BZW2: variants seen among roughly 807,000 people sequenced by gnomAD.
The protein encoded by BZW2 is eIF5-mimic protein 1.
Under a neutral mutation model 53.2 loss-of-function variants are expected in BZW2, and 23 were observed. That is an observed-to-expected ratio of 0.43 (90% CI 0.31 to 0.61). BZW2 has a LOEUF of 0.61. Ranked by LOEUF, BZW2 falls within the 20% of genes least tolerant of loss-of-function variation. The probability of loss-of-function intolerance (pLI) is 0.09; values close to 1 mark genes in which losing one functional copy is unlikely to be tolerated. For synonymous variants in BZW2, 227 were observed against 186.4 expected (o/e 1.22, Z -1.77); for missense variants, 409 against 503.1 (o/e 0.81, Z 1.79).
At chr7:16,650,492 G>T (rs1781958443) in intron 1 of BZW2, among the ~76,000 whole-genome samples, 1 of 152,022 alleles carries the variant, frequency 6.6e-6, no homozygotes, top group South Asian at 2.1e-4. Context: ...CCCAGGACAG[G>T]GTGTGACTGG....
intron 1 of BZW2, among the ~76,000 whole-genome samples, chr7:16,662,655 G>A (rs1307450594): frequency 2.0e-5 from 3 of 152,104 alleles, no homozygotes; most frequent in East Asian, 1.9e-4. Context: ...AGTGGTGTGC[G>A]CCTGTAATCC....
chr7:16,703,137 T>G (rs1455214979), intron 10 of BZW2, among the ~76,000 whole-genome samples: 1 of 152,160 alleles, frequency 6.6e-6, no homozygotes, highest in East Asian at 1.9e-4. Flanking sequence ...GAAATTTCTT[T>G]TATCTCAGTG....
rs759011029 is a variant in BZW2, at chr7:16,682,787, A to G, written c.347A>G (p.Asn116Ser). 9.6e-6 allele frequency: 15 copies of G among 1,568,458 alleles called. No individual in the cohort carries two copies. The highest frequency in any genetic ancestry group is 1.7e-4 in the Middle Eastern group (1 of 5,822). ...ETIRNYAQVF[N>S]KLIRRYKYLE... ...TGGTTGTTTTTTTTTTAGGTCTTCA[A>G]TAAACTCATCAGGAGATATAAGTAT... Residue 116 changes from asparagine (N) to serine (S), a missense_variant, in exon 5 of 12, where the codon AAT (asparagine) becomes AGT (serine). This residue lies in a region of BZW2 where 316 missense variants were observed against 366.8 expected (regional missense o/e 0.86). Transcript: ENST00000258761.
At chr7:16,693,794 C>T (rs2128367144) in intron 7 of BZW2, among the ~76,000 whole-genome samples, 1 of 152,232 alleles carries the variant, frequency 6.6e-6, no homozygotes, top group South Asian at 2.1e-4. Flanking sequence ...GATAGCTGCT[C>T]CCACCAGCTC....
At chr7:16,700,232 AG>A (rs1301256640) in intron 10 of BZW2, among the ~76,000 whole-genome samples, 5 of 152,202 alleles carry the variant, frequency 3.3e-5, no homozygotes, top group Non-Finnish European at 7.3e-5. Flanking sequence ...TGTTTTCTTA[AG>A]TGAAATGATT....
intron 6 of BZW2, among the ~76,000 whole-genome samples, chr7:16,688,873 G>A (rs568620752): frequency 3.6e-4 from 55 of 152,120 alleles, no homozygotes; most frequent in African/African-American, 1.3e-3. Context: ...TTTAAATCCA[G>A]AAGAGTTTAA....
intron 1 of BZW2, among the ~76,000 whole-genome samples, chr7:16,659,947 C>T (rs1213733991): frequency 2.6e-5 from 4 of 151,854 alleles, no homozygotes; most frequent in South Asian, 2.1e-4. Context: ...GTGTGCTGCA[C>T]CCATTAACTC....
Position 16,651,774 on chromosome 7 carries a change from T to C in BZW2, c.-8+5486T>C, listed in dbSNP as rs776546049. On this transcript the variant is annotated intron_variant, in intron 1 of 11. Coordinates refer to ENST00000258761, the MANE Select transcript of BZW2 (RefSeq NM_014038.3). Reference sequence around the variant, plus strand: ...TCTCTCTCTAAAGATAAATGCCTTTTCCCCCCCACCGCTTAATAGAACTCT... The same window carrying C: ...TCTCTCTCTAAAGATAAATGCCTTTCCCCCCCCACCGCTTAATAGAACTCT... Among the ~76,000 whole-genome samples the C allele has an allele frequency of 3.1e-4, 47 of 152,040 alleles. 1 individual carries two copies. The highest frequency in any genetic ancestry group is 8.0e-4 in the African/African-American group (33 of 41,392).
chr7:16,696,466 T>C (rs566724486), intron 8 of BZW2, among the ~76,000 whole-genome samples: 10 of 152,344 alleles, frequency 6.6e-5, no homozygotes, highest in Middle Eastern at 3.4e-3. Context: ...AAAGTAATCA[T>C]TGAAGAATAA....
intron 8 of BZW2, among the ~76,000 whole-genome samples, chr7:16,696,632 G>A (rs991324897): frequency 6.6e-6 from 1 of 152,146 alleles, no homozygotes; most frequent in South Asian, 2.1e-4. Flanking sequence ...ACTCAAAGGG[G>A]TTTCTCTATG....
chr7:16,654,232 A>C (rs535502444), intron 1 of BZW2, among the ~76,000 whole-genome samples: 1 of 152,086 alleles, frequency 6.6e-6, no homozygotes, highest in Non-Finnish European at 1.5e-5. Flanking sequence ...TCTGTCTCAA[A>C]AAGTAATAAT....
chr7:16,654,898 A>AT (rs914886204), intron 1 of BZW2, among the ~76,000 whole-genome samples: 5 of 151,952 alleles, frequency 3.3e-5, no homozygotes, highest in East Asian at 1.9e-4. Flanking sequence ...AGACTGATAG[A>AT]TTTTTTCTAA....
At chr7:16,682,739 T>A in intron 4 of BZW2, 41 bp from the exon 5 acceptor site, 2 of 1,358,370 alleles carry the variant, frequency 1.5e-6, no homozygotes, top group Non-Finnish European at 2.0e-6. Flanking sequence ...CTTCTGTGTC[T>A]TTTTGGTTGA....
intron 2 of BZW2, among the ~76,000 whole-genome samples, chr7:16,668,504 A>C (rs1164477513): frequency 6.6e-6 from 1 of 152,184 alleles, no homozygotes; most frequent in East Asian, 1.9e-4. Flanking sequence ...AAATTGAGTC[A>C]ACTTCATTTT....
intron 3 of BZW2, 68 bp from the exon 4 acceptor site, chr7:16,681,233 G>C: frequency 1.7e-6 from 2 of 1,196,848 alleles, no homozygotes; most frequent in South Asian, 2.7e-5. Flanking sequence ...TGCCAGAATT[G>C]ATGTGTTCTG....
At chr7:16,649,570 G>A (rs994990129) in intron 1 of BZW2, among the ~76,000 whole-genome samples, 1 of 152,212 alleles carries the variant, frequency 6.6e-6, no homozygotes, top group Non-Finnish European at 1.5e-5. Context: ...TACATTAGGA[G>A]AATGCTGCCT....
chr7:16,682,673 A>G (rs1339910902), intron 4 of BZW2, 107 bp from the exon 5 acceptor site: 5 of 547,394 alleles, frequency 9.1e-6, no homozygotes, highest in African/African-American at 5.9e-5. Flanking sequence ...CTGTTTAACT[A>G]TACACTTTTA....
At chr7:16,651,491 A>G (rs1189375841) in intron 1 of BZW2, among the ~76,000 whole-genome samples, 1 of 152,228 alleles carries the variant, frequency 6.6e-6, no homozygotes, top group Non-Finnish European at 1.5e-5. Context: ...GAAATGTTAT[A>G]TGTTTTTCTC....
chr7:16,680,923 G>A (rs1782925096), intron 3 of BZW2, among the ~76,000 whole-genome samples: 1 of 152,126 alleles, frequency 6.6e-6, no homozygotes, highest in South Asian at 2.1e-4. Flanking sequence ...GACCAACATG[G>A]TGAAACCCCG....
Sources: gnomAD v4.1 joint callset for allele counts (sites outside exome capture counted in the v4.1 genomes callset) on GRCh38, gnomAD v4.1.1 for gene constraint, gnomAD v4.1.1 regional missense constraint, MANE v1.5 for transcripts, NCBI Gene and HGNC (gene_info 2026-07-23, HGNC 2026-07-21) for gene names.